The following ATG10 variants were observed in gnomAD, a reference collection of about 807,000 sequenced individuals.
The protein encoded by ATG10 is ubiquitin-like-conjugating enzyme ATG10.
In ATG10, 30 loss-of-function variants were observed where a neutral mutation model predicts 32.1. The observed-to-expected ratio is 0.94, with a 90% CI of 0.70 to 1.27. The LOEUF is 1.27. Among genes scored for constraint, ATG10 ranks in the 50% most tolerant of loss-of-function variants. The pLI, the probability that ATG10 is intolerant of heterozygous loss-of-function variation, is 0.00. For synonymous variants in ATG10, 87 were observed against 91.5 expected, an observed-to-expected ratio of 0.95 and a Z score of 0.28; for missense variants, 233 against 262.3, an observed-to-expected ratio of 0.89 and a Z score of 0.77.
chr5:82,007,440 T>C (rs1762014444), intron 2 of ATG10, among the ~76,000 whole-genome samples: 1 of 152,006 alleles, frequency 6.6e-6, no homozygotes, highest in African/African-American at 2.4e-5. Flanking sequence ...AATTAGAGAG[T>C]AAGTAATAGA....
At chr5:82,226,978 C>G (rs565521253) in intron 5 of ATG10, among the ~76,000 whole-genome samples, 98 of 152,262 alleles carry the variant, frequency 6.4e-4, no homozygotes, top group African/African-American at 2.2e-3. Flanking sequence ...AAATGTTTCA[C>G]AAAATCTTCT....
intron 2 of ATG10, among the ~76,000 whole-genome samples, chr5:82,005,495 A>C (rs1303203161): frequency 6.6e-6 from 1 of 152,092 alleles, no homozygotes; most frequent in Non-Finnish European, 1.5e-5. Flanking sequence ...GGGTTTCACC[A>C]TGTTGGCCAG....
intron 5 of ATG10, among the ~76,000 whole-genome samples, chr5:82,221,314 G>A (rs1179448487): frequency 2.0e-5 from 3 of 152,154 alleles, no homozygotes; most frequent in Non-Finnish European, 4.4e-5. Flanking sequence ...TACAGTAGGG[G>A]CTATATTTTG....
intron 2 of ATG10, among the ~76,000 whole-genome samples, chr5:82,028,164 G>A (rs1007777597): frequency 1.9e-4 from 29 of 152,172 alleles, no homozygotes; most frequent in African/African-American, 6.3e-4. Context: ...ACTAGTGAAT[G>A]TATTGACGTT....
intron 5 of ATG10, among the ~76,000 whole-genome samples, chr5:82,251,303 T>G (rs551582445): frequency 1.3e-5 from 2 of 152,274 alleles, no homozygotes; most frequent in East Asian, 3.9e-4. Context: ...AGCTCTGAGT[T>G]CAGCTTCCCC....
intron 5 of ATG10, among the ~76,000 whole-genome samples, chr5:82,210,509 G>T (rs1428430864): frequency 6.6e-6 from 1 of 152,154 alleles, no homozygotes; most frequent in Admixed American, 6.5e-5. Flanking sequence ...TGAACTTTCA[G>T]GATCAGTAAT....
intron 3 of ATG10, among the ~76,000 whole-genome samples, chr5:82,137,263 A>C (rs987315037): frequency 5.3e-5 from 8 of 152,076 alleles, no homozygotes; most frequent in African/African-American, 1.9e-4. Flanking sequence ...GCTGGCAAGC[A>C]GTTGTGATCC....
intron 5 of ATG10, among the ~76,000 whole-genome samples, chr5:82,234,458 T>G (rs1190824680): frequency 6.6e-6 from 1 of 152,122 alleles, no homozygotes; most frequent in African/African-American, 2.4e-5. Flanking sequence ...ATTCGTACCT[T>G]GAACCCCATT....
At chr5:82,017,462 T>C (rs1191006502) in intron 2 of ATG10, among the ~76,000 whole-genome samples, 2 of 152,184 alleles carry the variant, frequency 1.3e-5, no homozygotes, top group Non-Finnish European at 2.9e-5. Context: ...GTGATGAAAG[T>C]GGGCATCCTT....
chr5:82,005,084 T>G (rs1443762307), intron 2 of ATG10, among the ~76,000 whole-genome samples: 1 of 152,152 alleles, frequency 6.6e-6, no homozygotes, highest in Admixed American at 6.6e-5. Context: ...CCAAGGAGTA[T>G]AGCTAAATAA....
intron 3 of ATG10, among the ~76,000 whole-genome samples, chr5:82,123,805 G>T (rs1766142514): frequency 6.6e-6 from 1 of 150,980 alleles, no homozygotes; most frequent in Non-Finnish European, 1.5e-5. Context: ...GCATGGTGGT[G>T]TAAGCCTGTT....
intron 2 of ATG10, 124 bp downstream of exon 2, chr5:81,987,802 A>G (rs1356228487): frequency 4.6e-6 from 3 of 650,560 alleles, no homozygotes; most frequent in South Asian, 4.0e-5. Context: ...TTGATTTAGT[A>G]AAAGTCTTAA....
At chr5:82,023,367 G>A (rs1581608549) in intron 2 of ATG10, among the ~76,000 whole-genome samples, 1 of 152,022 alleles carries the variant, frequency 6.6e-6, no homozygotes, top group East Asian at 1.9e-4. Flanking sequence ...TACTTTAGGT[G>A]TTAAATTTGA....
At chr5:82,063,172 A>G (rs1004560802) in intron 3 of ATG10, among the ~76,000 whole-genome samples, 33 of 152,194 alleles carry the variant, frequency 2.2e-4, no homozygotes, top group African/African-American at 7.7e-4. Flanking sequence ...AAGAAAAATT[A>G]GTTGGGCCTG....
chr5:82,121,534 G>C (rs1407239513), intron 3 of ATG10, among the ~76,000 whole-genome samples: 1 of 152,138 alleles, frequency 6.6e-6, no homozygotes, highest in Non-Finnish European at 1.5e-5. Flanking sequence ...TCCTTGTCTT[G>C]TGCTGGTTTT....
chr5:82,043,233 C>T (rs1290695038), intron 2 of ATG10, among the ~76,000 whole-genome samples: 1 of 152,254 alleles, frequency 6.6e-6, no homozygotes, highest in Non-Finnish European at 1.5e-5. Flanking sequence ...GATTTGCACC[C>T]TCTGAAGCCG....
chr5:82,024,351 G>T (rs531428271), intron 2 of ATG10, among the ~76,000 whole-genome samples: 3 of 152,204 alleles, frequency 2.0e-5, no homozygotes, highest in Admixed American at 2.0e-4. Flanking sequence ...TACTCAAAGC[G>T]TGGCCTACAC....
intron 3 of ATG10, among the ~76,000 whole-genome samples, chr5:82,120,281 G>A (rs1233857667): frequency 1.3e-5 from 2 of 152,134 alleles, no homozygotes; most frequent in African/African-American, 2.4e-5. Context: ...GTTGTTTTGT[G>A]TAGTAGAAAC....
intron 3 of ATG10, among the ~76,000 whole-genome samples, chr5:82,069,702 G>C (rs1291126181): frequency 6.6e-6 from 1 of 152,038 alleles, no homozygotes; most frequent in Admixed American, 6.6e-5. Context: ...CTAAAAGTCA[G>C]CAATATTAGT....
Sources: allele counts gnomAD v4.1 joint callset (sites outside exome capture counted in the v4.1 genomes callset), GRCh38; gene constraint gnomAD v4.1.1; transcripts MANE v1.5; gene names NCBI Gene and HGNC (gene_info 2026-07-23, HGNC 2026-07-21).